The following TASP1 variants were observed in gnomAD, a reference collection of about 807,000 sequenced individuals.
The protein encoded by TASP1 is threonine aspartase 1.
A neutral mutation model predicts 56.6 loss-of-function variants in TASP1; 16 were observed. The ratio of observed to expected loss-of-function variants is 0.28; its 90% CI spans 0.19 to 0.43. The LOEUF is 0.43. Ranked by LOEUF, TASP1 falls within the 20% of genes least tolerant of loss-of-function variation. The pLI, the probability that TASP1 is intolerant of heterozygous loss-of-function variation, is 1.00. For synonymous variants in TASP1, 179 were observed against 184.2 expected (o/e 0.97, Z 0.23); for missense variants, 393 against 511.6 (o/e 0.77, Z 2.24).
At chr20:13,571,638 A>G (rs891356727) in intron 6 of TASP1, among the ~76,000 whole-genome samples, 1 of 152,090 alleles carries the variant, frequency 6.6e-6, no homozygotes, top group Non-Finnish European at 1.5e-5. Context: ...TCAATTCTCA[A>G]TACACCAGCC....
chr20:13,162,256 G>A, the TASP1 span, among the ~76,000 whole-genome samples: 1 of 152,202 alleles, frequency 6.6e-6, no homozygotes, highest in Non-Finnish European at 1.5e-5. Flanking sequence ...GCATGGCCGG[G>A]AAGCAAGTTC....
intron 13 of TASP1, among the ~76,000 whole-genome samples, chr20:13,415,228 A>G (rs983698043): frequency 6.6e-6 from 1 of 152,170 alleles, no homozygotes; most frequent in Non-Finnish European, 1.5e-5. Flanking sequence ...TCTTTTATAG[A>G]AGTCAGGAAA....
the TASP1 span, among the ~76,000 whole-genome samples, chr20:13,340,090 G>A: frequency 6.6e-6 from 1 of 152,040 alleles, no homozygotes; most frequent in Non-Finnish European, 1.5e-5. Flanking sequence ...TTGCAGCTTA[G>A]GTGGGCATAT....
chr20:13,130,402 TGA>T, the TASP1 span, among the ~76,000 whole-genome samples: 2,242 of 152,300 alleles, frequency 0.015, 99 homozygotes, highest in East Asian at 0.14. Flanking sequence ...TGTTTCAGGT[TGA>T]GTTTGGGGAG....
intron 11 of TASP1, among the ~76,000 whole-genome samples, chr20:13,444,922 G>C (rs2043348396): frequency 6.6e-6 from 1 of 152,138 alleles, no homozygotes; most frequent in Non-Finnish European, 1.5e-5. Flanking sequence ...CCCAGCTTAT[G>C]GGTATCATCA....
the TASP1 span, among the ~76,000 whole-genome samples, chr20:13,205,152 T>A: frequency 3.9e-5 from 6 of 152,130 alleles, no homozygotes; most frequent in Non-Finnish European, 8.8e-5. Context: ...AATAAATCCA[T>A]GCCTCTCCAT....
At chr20:13,325,151 GC>G in the TASP1 span, among the ~76,000 whole-genome samples, 3 of 152,202 alleles carry the variant, frequency 2.0e-5, no homozygotes, top group Non-Finnish European at 2.9e-5. Flanking sequence ...CCACAGGACA[GC>G]CCGACAAATG....
chr20:13,362,152 T>C, the TASP1 span, among the ~76,000 whole-genome samples: 1 of 149,740 alleles, frequency 6.7e-6, no homozygotes, highest in Non-Finnish European at 1.5e-5. Context: ...CCATTCTCTC[T>C]CCGCACCACC....
the TASP1 span, among the ~76,000 whole-genome samples, chr20:13,354,471 C>T: frequency 6.6e-6 from 1 of 152,124 alleles, no homozygotes; most frequent in African/African-American, 2.4e-5. Context: ...GTCACAGCAA[C>T]CTGTGCTAGA....
the TASP1 span, among the ~76,000 whole-genome samples, chr20:13,365,750 T>G: frequency 6.6e-6 from 1 of 152,182 alleles, no homozygotes; most frequent in Admixed American, 6.5e-5. Flanking sequence ...AAGTTTTGGG[T>G]TTATTTCGAC....
chr20:13,221,204 A>C, the TASP1 span, among the ~76,000 whole-genome samples: 1 of 135,984 alleles, frequency 7.4e-6, no homozygotes, highest in Non-Finnish European at 1.6e-5. Flanking sequence ...TCCCGGCCGC[A>C]GCTGAAGCCC....
chr20:13,561,770 G>C (rs1473321672), intron 7 of TASP1, among the ~76,000 whole-genome samples: 2 of 152,132 alleles, frequency 1.3e-5, no homozygotes, highest in East Asian at 1.9e-4. Context: ...GGTTGAGACA[G>C]AGCTGTATAA....
chr20:13,129,193 G>C, the TASP1 span, among the ~76,000 whole-genome samples: 1 of 152,012 alleles, frequency 6.6e-6, no homozygotes, highest in African/African-American at 2.4e-5. Flanking sequence ...GTCGAGACGG[G>C]GTTTCACCAC....
chr20:13,638,542 G>A (rs2049396391), intron 1 of TASP1, among the ~76,000 whole-genome samples: 1 of 152,164 alleles, frequency 6.6e-6, no homozygotes, highest in Non-Finnish European at 1.5e-5. Context: ...CACATTCTCG[G>A]CTGTCTGCGA....
chr20:13,373,989 C>T, the TASP1 span, among the ~76,000 whole-genome samples: 1 of 151,962 alleles, frequency 6.6e-6, no homozygotes, highest in Non-Finnish European at 1.5e-5. Context: ...ATCAAATTTG[C>T]TTATTCTTTA....
chr20:13,272,381 G>T, the TASP1 span, among the ~76,000 whole-genome samples: 1 of 152,194 alleles, frequency 6.6e-6, no homozygotes, highest in African/African-American at 2.4e-5. Flanking sequence ...ATAAAATGCT[G>T]CATTAGGTTA....
chr20:13,618,408 G>C (rs1346795687), intron 4 of TASP1, among the ~76,000 whole-genome samples: 1 of 152,058 alleles, frequency 6.6e-6, no homozygotes, highest in Non-Finnish European at 1.5e-5. Flanking sequence ...GCAAGAATCT[G>C]TCTGAACAAC....
the TASP1 span, among the ~76,000 whole-genome samples, chr20:13,382,912 AG>A: frequency 6.6e-6 from 1 of 152,206 alleles, no homozygotes; most frequent in Non-Finnish European, 1.5e-5. Context: ...GGGTGTGGTT[AG>A]GAGCTTGCTC....
the TASP1 span, among the ~76,000 whole-genome samples, chr20:13,306,892 G>A: frequency 6.6e-6 from 1 of 152,180 alleles, no homozygotes; most frequent in Non-Finnish European, 1.5e-5. Context: ...AGAATCTCCT[G>A]TCAAGAACAT....
Sources: gnomAD v4.1 joint callset for allele counts (sites outside exome capture counted in the v4.1 genomes callset) on GRCh38, gnomAD v4.1.1 for gene constraint, MANE v1.5 for transcripts, NCBI Gene and HGNC (gene_info 2026-07-23, HGNC 2026-07-21) for gene names.